Variants in MACF1 observed in about 807,000 individuals in gnomAD.
MACF1 encodes the protein microtubule-actin cross-linking factor 1.
A neutral mutation model predicts 854.8 loss-of-function variants in MACF1; 193 were observed. The ratio of observed to expected loss-of-function variants is 0.23; its 90% CI spans 0.20 to 0.25. The LOEUF (loss-of-function observed/expected upper bound fraction) is 0.25, where lower values mean the gene tolerates loss of function less well. Ranked by LOEUF, MACF1 falls within the 10% of genes least tolerant of loss-of-function variation. The probability of loss-of-function intolerance (pLI) is 1.00; values close to 1 mark genes in which losing one functional copy is unlikely to be tolerated. For missense variants in MACF1, 7,722 were observed against 8,929.1 expected (o/e 0.86, Z 5.45); for synonymous variants, 3,185 against 3,226.7 (o/e 0.99, Z 0.44).
In MACF1 at chr1:39,300,269, A is replaced by G. The variant is rs774165319; in HGVS notation, c.2541A>G (p.Ser847=). Residue 847 remains serine, a synonymous_variant, in exon 22 of 101, where the codon TCA becomes TCG. Coordinates refer to ENST00000564288, the MANE Select transcript of MACF1 (RefSeq NM_001394062.1). ...KSSVASLVGR[S]KTIVQLKPRS... Reference sequence around the variant, plus strand: ...CCGTTGCCAGTCTCGTTGGGAGATCAAAAACCATCGTTCAGCTAAAACCAC... The same window carrying G: ...CCGTTGCCAGTCTCGTTGGGAGATCGAAAACCATCGTTCAGCTAAAACCAC... The G allele has an allele frequency of 2.5e-6, 4 of 1,614,068 alleles. No individual in the cohort carries two copies. The South Asian group carries it at 3.3e-5, about 13-fold the overall frequency.
At chr1:39,257,801 C>A in intron 5 of MACF1, 135 bp from the exon 6 acceptor site, 2 of 647,444 alleles carry the variant, frequency 3.1e-6, no homozygotes, top group Non-Finnish European at 5.3e-6. Flanking sequence ...TGAATCTATA[C>A]ATGTGTTAAA....
chr1:39,163,572 A>G (rs1033763126), intron 2 of MACF1, among the ~76,000 whole-genome samples: 1 of 152,192 alleles, frequency 6.6e-6, no homozygotes, highest in African/African-American at 2.4e-5. Flanking sequence ...GTATTGTTGA[A>G]TAAGTGGAAA....
intron 37 of MACF1, 69 bp downstream of exon 37, chr1:39,336,722 G>A (rs890500305): frequency 4.3e-6 from 6 of 1,404,596 alleles, no homozygotes; most frequent in Admixed American, 2.7e-5. Context: ...TTCTTAACTG[G>A]GTACAGAGTT....
rs58410726 is a variant in MACF1, at chr1:39,247,068, ATTT to A, written c.172-2926_172-2924del. On this transcript the variant is annotated intron_variant, in intron 2 of 100. Coordinates refer to ENST00000564288, the MANE Select transcript of MACF1 (RefSeq NM_001394062.1). ...AGGTGCATACCACCATGCCCGGCTAATTTTTTTTTTTTTTTTTTTTTTGAGACG... is the reference window on the plus strand; with the variant it reads ...AGGTGCATACCACCATGCCCGGCTAATTTTTTTTTTTTTTTTTTTGAGACG... Among the ~76,000 whole-genome samples the A allele has an allele frequency of 1.4e-3, 133 of 93,504 alleles. 1 individual carries two copies. The highest frequency in any genetic ancestry group is 2.4e-3 in the Non-Finnish European group (120 of 50,618). The allele number at this position is 93,504 out of a possible 152,430, so 61.3% of individuals were successfully genotyped here. A position where few individuals can be genotyped will look rare whatever the true frequency, so the allele number is the denominator to read the frequency against.
At chr1:39,289,990 A>AAT (rs1645743483) in intron 15 of MACF1, among the ~76,000 whole-genome samples, 1 of 151,746 alleles carries the variant, frequency 6.6e-6, no homozygotes, top group African/African-American at 2.4e-5. Flanking sequence ...GTGAGCCACC[A>AAT]CACCTGGCCT....
At chr1:39,434,863 TA>T (rs1343818650) in intron 69 of MACF1, among the ~76,000 whole-genome samples, 3 of 152,152 alleles carry the variant, frequency 2.0e-5, no homozygotes, top group African/African-American at 7.2e-5. Context: ...ATGACAGAAC[TA>T]AAGAAAGAAC....
chr1:39,087,076 G>A (rs1440355941), intron 2 of MACF1, among the ~76,000 whole-genome samples: 1 of 152,236 alleles, frequency 6.6e-6, no homozygotes, highest in Non-Finnish European at 1.5e-5. Flanking sequence ...CCAGAGTAAT[G>A]GAAAAGGCAG....
At chr1:39,446,012 A>G (rs779078041) in intron 80 of MACF1, among the ~76,000 whole-genome samples, 7 of 152,232 alleles carry the variant, frequency 4.6e-5, no homozygotes, top group African/African-American at 7.2e-5. Context: ...ATCCTGCAGA[A>G]GGCAAAGCTA....
intron 45 of MACF1, among the ~76,000 whole-genome samples, 179 bp from the exon 46 acceptor site, chr1:39,358,518 A>C (rs1331672224): frequency 1.3e-5 from 2 of 152,224 alleles, no homozygotes; most frequent in Non-Finnish European, 2.9e-5. Context: ...AGTATGGAGC[A>C]AACAATGGGG....
Position 39,335,727 on chromosome 1 carries a change from C to A in MACF1, c.9139C>A (p.Gln3047Lys). The change falls in exon 37 of 101, where the codon CAA (glutamine) becomes AAA (lysine). Residue 3047 changes from glutamine (Q) to lysine (K), a missense_variant. Coordinates refer to ENST00000564288, the MANE Select transcript of MACF1 (RefSeq NM_001394062.1). Reference sequence around the variant, plus strand: ...TTTTAAAATTGAAGAGTCCTCTTCCCAAGTGGTACCTCAAGGAATTTCTGT... The same window carrying A: ...TTTTAAAATTGAAGAGTCCTCTTCCAAAGTGGTACCTCAAGGAATTTCTGT... The part of the protein sequence containing the change: ...ITFKIEESSS[Q>K]VVPQGISVKH... 6.2e-7 allele frequency: 1 copy of A among 1,613,788 alleles called. No homozygotes were observed. Among genetic ancestry groups the A allele is most frequent in the Admixed American group, 1.7e-5 (1 of 59,944 alleles).
intron 23 of MACF1, 48 bp from the exon 24 acceptor site, chr1:39,309,522 G>T: frequency 6.2e-7 from 1 of 1,609,938 alleles, no homozygotes; most frequent in Non-Finnish European, 8.5e-7. Flanking sequence ...CTCTAATGTG[G>T]AGCTGAAGTC....
At chr1:39,377,257 C>G (rs568775068) in intron 52 of MACF1, among the ~76,000 whole-genome samples, 1 of 151,864 alleles carries the variant, frequency 6.6e-6, no homozygotes, top group Non-Finnish European at 1.5e-5. Flanking sequence ...GGCAATCCAC[C>G]CACCTCAGCC....
In MACF1 at chr1:39,409,280, G is replaced by A. The variant is rs1642872584; in HGVS notation, c.15817-13094G>A. On this transcript the variant is annotated intron_variant, in intron 58 of 100. Transcript: ENST00000564288. This position sits in a 1 kb window ranked among gnomAD's most constrained non-coding sequence, Gnocchi z 4.2. ...GCGGCTGCTTGTCATGCAGCCCACG[G>A]CGTGGCGGCTGCGGGCCGGGGACTG... is the stretch of plus-strand genomic sequence containing the variant. Among the ~76,000 whole-genome samples, 1 of 151,964 alleles carries A rather than the reference G, an allele frequency of 6.6e-6. No individual in the cohort carries two copies. The highest frequency in any genetic ancestry group is 6.6e-5 in the Admixed American group (1 of 15,264).
chr1:39,260,942 T>C (rs1366930632), intron 6 of MACF1, among the ~76,000 whole-genome samples: 2 of 152,190 alleles, frequency 1.3e-5, no homozygotes, highest in East Asian at 3.8e-4. Flanking sequence ...TTGTAATATA[T>C]ATGAATCCAA....
chr1:39,122,317 C>T (rs1393775776), intron 2 of MACF1, among the ~76,000 whole-genome samples: 3 of 149,530 alleles, frequency 2.0e-5, no homozygotes, highest in South Asian at 2.1e-4. Context: ...TACAGTGGCG[C>T]GATGTCGGCT....
chr1:39,110,230 C>CTTTTTTTTTTTTT (rs5773651), intron 2 of MACF1, among the ~76,000 whole-genome samples: 1 of 84,566 alleles, frequency 1.2e-5, no homozygotes. Context: ...GGATGTTGTT[C>CTTTTTTTTTTTTT]TTTTTTTTTT....
chr1:39,443,095 A>G (rs1309383876), intron 78 of MACF1, among the ~76,000 whole-genome samples, 184 bp downstream of exon 78: 1 of 152,222 alleles, frequency 6.6e-6, no homozygotes. Flanking sequence ...TTCTGAATTC[A>G]TTTCTAGCTC....
intron 2 of MACF1, among the ~76,000 whole-genome samples, chr1:39,186,965 C>A (rs1246151430): frequency 2.0e-5 from 3 of 149,734 alleles, no homozygotes; most frequent in African/African-American, 7.4e-5. Flanking sequence ...ATATTTCTTT[C>A]TCTTTTACTA....
chr1:39,411,871 G>T (rs1053493818), intron 58 of MACF1: 1 of 1,613,928 alleles, frequency 6.2e-7, no homozygotes. Flanking sequence ...TACTAGATTG[G>T]ATTGTGGATA....
Sources: gnomAD v4.1 joint callset for allele counts (sites outside exome capture counted in the v4.1 genomes callset) on GRCh38, gnomAD v4.1.1 for gene constraint, Gnocchi (gnomAD v3.1) non-coding constraint, MANE v1.5 for transcripts, NCBI Gene and HGNC (gene_info 2026-07-23, HGNC 2026-07-21) for gene names.